Variants in TNFSF15 observed in about 807,000 individuals in gnomAD.
The protein encoded by TNFSF15 is tumor necrosis factor ligand superfamily member 15.
Under a neutral mutation model 26.4 loss-of-function variants are expected in TNFSF15, and 15 were observed. That is an observed-to-expected ratio of 0.57 (90% CI 0.38 to 0.87). The LOEUF (loss-of-function observed/expected upper bound fraction) is 0.87, where lower values mean the gene tolerates loss of function less well. Ranked by LOEUF, TNFSF15 falls within the 40% of genes least tolerant of loss-of-function variation. The pLI is 0.00. For missense variants in TNFSF15, 290 were observed against 306.1 expected (o/e 0.95, Z 0.39); for synonymous variants, 116 against 115.0 (o/e 1.01, Z -0.06).
At chr9:114,797,811 C>T (rs553597887) in intron 1 of TNFSF15, among the ~76,000 whole-genome samples, 2 of 152,312 alleles carry the variant, frequency 1.3e-5, no homozygotes, top group Admixed American at 6.5e-5. Flanking sequence ...AAACCACTGG[C>T]TGAAATCCAG....
rs1829536712 is a variant in TNFSF15 at position 114,788,266 on chromosome 9, G to C, written c.*2186C>G. On this transcript the variant is annotated 3_prime_UTR_variant, in exon 4 of 4. Coordinates refer to ENST00000374045, the MANE Select transcript of TNFSF15 (RefSeq NM_005118.4). The stretch of plus-strand genomic sequence containing the variant: ...TCCATCTGAGATGCCCTTTCCCTGT[G>C]GTCATCTGGGGCCCGCCCAGTTTCT... The C allele has an allele frequency of 6.5e-6, 1 of 153,692 alleles. No individual in the cohort carries two copies. The highest frequency in any genetic ancestry group is 1.5e-5 in the Non-Finnish European group (1 of 68,030). 9.5% of individuals were successfully genotyped at this position (153,692 alleles called of 1,614,324 possible).
rs1829534150 is a variant in TNFSF15, at chr9:114,788,028, C to T, written c.*2424G>A. ...GCATACCAAAGCTGCTTGGTGCTCT[C>T]ACGCACCATGAAGACCGGTTCAGAA... On this transcript the variant is annotated 3_prime_UTR_variant, in exon 4 of 4. Transcript: ENST00000374045. The T allele has an allele frequency of 6.5e-6, 1 of 153,736 alleles. No homozygotes were observed. The highest frequency in any genetic ancestry group is 1.5e-5 in the Non-Finnish European group (1 of 68,064). 9.5% of individuals were successfully genotyped at this position (153,736 alleles called of 1,614,324 possible). A position where few individuals can be genotyped will look rare whatever the true frequency, so the allele number is the denominator to read the frequency against.
chr9:114,805,815 A>G lies in TNFSF15; in HGVS notation c.198T>C (p.Cys66=), dbSNP rs1564348532. The G allele has an allele frequency of 2.5e-6, 4 of 1,613,248 alleles. No individual in the cohort carries two copies. Among genetic ancestry groups the G allele is most frequent in the South Asian group, 2.2e-5 (2 of 91,030 alleles). ...CCATGTGGCTTACCTGGAACTGCACACAGGCCTCTCCCTGGGCCCGGAGCT... is the reference window on the plus strand; with the variant it reads ...CCATGTGGCTTACCTGGAACTGCACGCAGGCCTCTCCCTGGGCCCGGAGCT... ...VSQLRAQGEA[C]VQFQALKGQE... Residue 66 remains cysteine, a synonymous_variant, in exon 1 of 4, where the codon TGT becomes TGC. Transcript: ENST00000374045.
chr9:114,804,821 T>A (rs1829796413), intron 1 of TNFSF15, among the ~76,000 whole-genome samples: 1 of 152,222 alleles, frequency 6.6e-6, no homozygotes, highest in Non-Finnish European at 1.5e-5. Flanking sequence ...ACTTGTGGTG[T>A]CTATGCTTTG....
intron 2 of TNFSF15, among the ~76,000 whole-genome samples, chr9:114,793,215 C>A (rs1251646994): frequency 6.6e-6 from 1 of 152,190 alleles, no homozygotes; most frequent in African/African-American, 2.4e-5. Context: ...GTAGGATCTA[C>A]TATAACCATT....
chr9:114,800,484 A>G (rs971025749), intron 1 of TNFSF15, among the ~76,000 whole-genome samples: 2 of 152,180 alleles, frequency 1.3e-5, no homozygotes, highest in African/African-American at 4.8e-5. Context: ...ACTTATTCCC[A>G]AAGGCAGACA....
chr9:114,804,160 A>G (rs4263839), intron 1 of TNFSF15, among the ~76,000 whole-genome samples: 113,121 of 152,142 alleles, frequency 0.74, 42,871 homozygotes, highest in African/African-American at 0.89. Context: ...AGGAAGATGA[A>G]TTTAATGATA....
At chr9:114,802,979 C>T (rs1044343702) in intron 1 of TNFSF15, among the ~76,000 whole-genome samples, 2 of 152,238 alleles carry the variant, frequency 1.3e-5, no homozygotes, top group Non-Finnish European at 2.9e-5. Context: ...AAACTAGGCA[C>T]TTTAGGCTAG....
intron 1 of TNFSF15, among the ~76,000 whole-genome samples, chr9:114,800,733 T>C (rs1258622178): frequency 6.6e-6 from 1 of 152,222 alleles, no homozygotes; most frequent in Non-Finnish European, 1.5e-5. Flanking sequence ...CTAGATGCTT[T>C]ATAGGTGTGA....
At chr9:114,796,997 C>A (rs1281698662) in intron 1 of TNFSF15, among the ~76,000 whole-genome samples, 1 of 152,164 alleles carries the variant, frequency 6.6e-6, no homozygotes, top group Non-Finnish European at 1.5e-5. Flanking sequence ...GGAATTGATC[C>A]TTTGGCAAGG....
At chr9:114,803,532 T>C (rs578117325) in intron 1 of TNFSF15, among the ~76,000 whole-genome samples, 98 of 152,314 alleles carry the variant, frequency 6.4e-4, no homozygotes, top group African/African-American at 2.2e-3. Context: ...CTCTGAGCCA[T>C]TTCTTCTCCA....
chr9:114,788,227 T>C lies in TNFSF15; in HGVS notation c.*2225A>G, dbSNP rs78514613. ...AGAAATCTTTCTTTTCTGCTTTAAG[T>C]CAAGGGTAATTCCTCCATCTGAGAT... On this transcript the variant is annotated 3_prime_UTR_variant, in exon 4 of 4. Coordinates refer to ENST00000374045, the MANE Select transcript of TNFSF15 (RefSeq NM_005118.4). 1.7e-3 allele frequency: 254 copies of C among 153,870 alleles called. No homozygotes were observed. The highest frequency in any genetic ancestry group is 5.7e-3 in the African/African-American group (239 of 41,578). 9.5% of individuals were successfully genotyped at this position (153,870 alleles called of 1,614,324 possible). A position where few individuals can be genotyped will look rare whatever the true frequency, so the allele number is the denominator to read the frequency against.
At chr9:114,792,563 C>T (rs1354067932) in intron 2 of TNFSF15, 109 bp from the exon 3 acceptor site, 2 of 1,569,486 alleles carry the variant, frequency 1.3e-6, no homozygotes, top group African/African-American at 1.3e-5. Context: ...CCTTGATCTC[C>T]TCCAGCTTGG....
intron 2 of TNFSF15, among the ~76,000 whole-genome samples, 168 bp downstream of exon 2, chr9:114,793,358 A>G (rs1829632766): frequency 6.6e-6 from 1 of 152,118 alleles, no homozygotes; most frequent in Admixed American, 6.5e-5. Flanking sequence ...ACATGGTGCC[A>G]TTTTGCCTTC....
chr9:114,793,403 G>A, intron 2 of TNFSF15, 123 bp downstream of exon 2: 1 of 1,159,430 alleles, frequency 8.6e-7, no homozygotes, highest in South Asian at 1.3e-5. Flanking sequence ...TTCTCCTCTG[G>A]ATTTGCATCC....
chr9:114,797,515 T>C (rs901713166), intron 1 of TNFSF15, among the ~76,000 whole-genome samples: 2 of 152,238 alleles, frequency 1.3e-5, no homozygotes, highest in African/African-American at 2.4e-5. Context: ...TAGGAAGCAG[T>C]AATGAATGAG....
At chr9:114,796,783 T>A (rs1410224904) in intron 1 of TNFSF15, among the ~76,000 whole-genome samples, 1 of 152,176 alleles carries the variant, frequency 6.6e-6, no homozygotes, top group Non-Finnish European at 1.5e-5. Context: ...TTGGAAAACA[T>A]CAAGGCTTTC....
Position 114,785,336 on chromosome 9 carries a change from T to G in TNFSF15, c.*5116A>C, listed in dbSNP as rs1461835590. 1 of 152,222 alleles carries G rather than the reference T, an allele frequency of 6.6e-6. No homozygotes were observed. 9.4% of individuals were successfully genotyped at this position (152,222 alleles called of 1,614,324 possible). A position where few individuals can be genotyped will look rare whatever the true frequency, so the allele number is the denominator to read the frequency against. On this transcript the variant is annotated 3_prime_UTR_variant, in exon 4 of 4. Transcript: ENST00000374045. The stretch of plus-strand genomic sequence containing the variant: ...CTGTCATTTCTAAAATTCCATGACA[T>G]TTCTCTATTGGCCAAGATCTTAGGG...
chr9:114,800,920 C>CA, intron 1 of TNFSF15, among the ~76,000 whole-genome samples: 1 of 152,272 alleles, frequency 6.6e-6, no homozygotes, highest in East Asian at 1.9e-4. Flanking sequence ...GATTGGAGAC[C>CA]AGGAGGCCTC....
Sources: allele counts gnomAD v4.1 joint callset (sites outside exome capture counted in the v4.1 genomes callset), GRCh38; gene constraint gnomAD v4.1.1; transcripts MANE v1.5; gene names NCBI Gene and HGNC (gene_info 2026-07-23, HGNC 2026-07-21).